FOXK1: variants seen among roughly 807,000 people sequenced by gnomAD.
The protein encoded by FOXK1 is forkhead box protein K1.
FOXK1 carries 19 observed loss-of-function variants against 51.9 expected under a neutral mutation model. The observed-to-expected ratio is 0.37, with a 90% CI of 0.26 to 0.54. The LOEUF is 0.54. Among genes scored for constraint, FOXK1 ranks in the 20% least tolerant of loss-of-function variants. FOXK1 has a pLI of 0.87. For missense variants in FOXK1, 870 were observed against 1,032.7 expected (o/e 0.84, Z 2.16); for synonymous variants, 537 against 482.6 (o/e 1.11, Z -1.48).
In FOXK1 at chr7:4,686,513, C is replaced by T. The variant is rs544364662; in HGVS notation, c.560+3645C>T. Among the ~76,000 whole-genome samples the T allele has an allele frequency of 4.6e-5, 7 of 152,308 alleles. No homozygotes were observed. In the East Asian group the frequency reaches 1.2e-3, roughly 25 times the overall value. On this transcript the variant is annotated intron_variant, in intron 1 of 8. Coordinates refer to ENST00000328914, the MANE Select transcript of FOXK1 (RefSeq NM_001037165.2). ...CACTACGCCTGGTGGGTAAGCATCT[C>T]GCCAGAGCTCCCAGGCACAGGGGGA...
intron 1 of FOXK1, among the ~76,000 whole-genome samples, chr7:4,720,544 T>C (rs1022018415): frequency 6.6e-6 from 1 of 152,168 alleles, no homozygotes; most frequent in African/African-American, 2.4e-5. Flanking sequence ...ATTTCCCCTG[T>C]GCCTCAGTGG....
Position 4,762,810 on chromosome 7 carries a change from C to A in FOXK1, c.*346C>A, listed in dbSNP as rs2115078410. On this transcript the variant is annotated 3_prime_UTR_variant, in exon 9 of 9. Coordinates refer to ENST00000328914, the MANE Select transcript of FOXK1 (RefSeq NM_001037165.2). This position sits in a 1 kb window ranked among gnomAD's most constrained non-coding sequence, Gnocchi z 5.7. ...TGAGGAATGTGTCAAGACAGCCCCT[C>A]CGCTCCGCGCTGCACGGCCAGCCGC... The A allele has an allele frequency of 3.6e-6, 1 of 274,708 alleles. No homozygotes were observed. The highest frequency in any genetic ancestry group is 7.0e-6 in the Non-Finnish European group (1 of 142,068). The allele number at this position is 274,708 out of a possible 1,614,324, so 17.0% of individuals were successfully genotyped here.
chr7:4,705,495 C>A (rs1562372566), intron 1 of FOXK1, among the ~76,000 whole-genome samples: 2 of 147,426 alleles, frequency 1.4e-5, no homozygotes, highest in Non-Finnish European at 3.0e-5. Flanking sequence ...AGTGAGAATT[C>A]TTCTGTGTCA....
intron 1 of FOXK1, among the ~76,000 whole-genome samples, chr7:4,727,423 C>T (rs1251298240): frequency 6.6e-6 from 1 of 152,050 alleles, no homozygotes; most frequent in Admixed American, 6.6e-5. Context: ...TCAAGTGATT[C>T]TTGTGCCTCA....
chr7:4,718,113 G>C (rs1176101334), intron 1 of FOXK1, among the ~76,000 whole-genome samples: 1 of 152,214 alleles, frequency 6.6e-6, no homozygotes, highest in African/African-American at 2.4e-5. Flanking sequence ...AACAATCACA[G>C]ATTCACAAGG....
In FOXK1 at chr7:4,756,965, G is replaced by A. The variant is rs1780861117; in HGVS notation, c.1051-29G>A. On this transcript the variant is annotated intron_variant, in intron 4 of 8. Coordinates refer to ENST00000328914, the MANE Select transcript of FOXK1 (RefSeq NM_001037165.2). The surrounding 1 kb of genome is among the most constrained non-coding windows in gnomAD (Gnocchi z 4.1). ...GGGACTCATTTTCTGATTTGCTGGT[G>A]ATGGGTGAATATCTCTGCTTCCCTG... is the stretch of plus-strand genomic sequence containing the variant. 1 of 1,606,932 alleles carries A rather than the reference G, an allele frequency of 6.2e-7. No individual in the cohort carries two copies. The highest frequency in any genetic ancestry group is 8.5e-7 in the Non-Finnish European group (1 of 1,177,104).
chr7:4,695,463 C>T (rs1779939616), intron 1 of FOXK1, among the ~76,000 whole-genome samples: 1 of 152,182 alleles, frequency 6.6e-6, no homozygotes, highest in Non-Finnish European at 1.5e-5. Flanking sequence ...TATATCTGTG[C>T]TGTCCAACAT....
At chr7:4,713,514 G>A (rs1489922587) in intron 1 of FOXK1, among the ~76,000 whole-genome samples, 1 of 151,292 alleles carries the variant, frequency 6.6e-6, no homozygotes, top group Non-Finnish European at 1.5e-5. Context: ...TTTTTTTGAG[G>A]CGGAGTCTTG....
At position 4,731,108 on chromosome 7, in the gene FOXK1, C is replaced by A. The variant is rs1583199683; in HGVS notation, c.561-9730C>A. On this transcript the variant is annotated intron_variant, in intron 1 of 8. Transcript: ENST00000328914. The surrounding 1 kb of genome is among the most constrained non-coding windows in gnomAD (Gnocchi z 5.3). ...GTTTCAGGCCTTATCTGATGTGGCC[C>A]ACCCTGGGACCGTCACCTGACTTCC... is the stretch of plus-strand genomic sequence containing the variant. 6.6e-6 allele frequency among the ~76,000 whole-genome samples: 1 copy of A among 152,220 alleles called. No individual in the cohort carries two copies. The highest frequency in any genetic ancestry group is 6.5e-5 in the Admixed American group (1 of 15,284).
intron 1 of FOXK1, among the ~76,000 whole-genome samples, chr7:4,696,450 T>C (rs1779953536): frequency 6.6e-6 from 1 of 152,190 alleles, no homozygotes; most frequent in African/African-American, 2.4e-5. Flanking sequence ...ATGTCTGTCG[T>C]CTACCCGTCA....
chr7:4,699,675 G>T (rs970706025), intron 1 of FOXK1, among the ~76,000 whole-genome samples: 2 of 152,122 alleles, frequency 1.3e-5, no homozygotes, highest in Admixed American at 6.6e-5. Context: ...GCCTCACAGG[G>T]TTAGTTTTGA....
intron 1 of FOXK1, among the ~76,000 whole-genome samples, chr7:4,702,453 C>T (rs796844796): frequency 3.0e-4 from 45 of 152,264 alleles, no homozygotes; most frequent in African/African-American, 1.1e-3. Flanking sequence ...AGTGATTCTC[C>T]TGCCTCAGCC....
At chr7:4,746,005 T>C (rs1015492218) in intron 2 of FOXK1, among the ~76,000 whole-genome samples, 2 of 151,998 alleles carry the variant, frequency 1.3e-5, no homozygotes. Flanking sequence ...AGAGGTAGAG[T>C]TTTAAGAAAA....
chr7:4,684,124 G>A (rs1284643259), intron 1 of FOXK1, among the ~76,000 whole-genome samples: 3 of 152,138 alleles, frequency 2.0e-5, no homozygotes, highest in Non-Finnish European at 4.4e-5. Context: ...CCTCTGCTCT[G>A]CCCCGGACCT....
Position 4,723,223 on chromosome 7 carries a change from G to A in FOXK1, c.561-17615G>A, listed in dbSNP as rs568314225. On this transcript the variant is annotated intron_variant, in intron 1 of 8. Coordinates refer to ENST00000328914, the MANE Select transcript of FOXK1 (RefSeq NM_001037165.2). The surrounding 1 kb of genome is among the most constrained non-coding windows in gnomAD (Gnocchi z 4.7). The stretch of plus-strand genomic sequence containing the variant: ...GGTGGACACCCATGGCGGCTTGCAC[G>A]TTGCACGTCCCCCGGCTCAGCACCG... Among the ~76,000 whole-genome samples, 3 of 152,074 alleles carry A rather than the reference G, an allele frequency of 2.0e-5. No individual in the cohort carries two copies. Among genetic ancestry groups the A allele is most frequent in the Non-Finnish European group, 2.9e-5 (2 of 68,008 alleles).
At chr7:4,727,602 C>T (rs1297036143) in intron 1 of FOXK1, among the ~76,000 whole-genome samples, 12 of 152,344 alleles carry the variant, frequency 7.9e-5, no homozygotes, top group East Asian at 5.8e-4. Flanking sequence ...GGCTTAGCCA[C>T]GGCGCCCGGC....
intron 1 of FOXK1, among the ~76,000 whole-genome samples, chr7:4,694,356 C>T (rs1185744919): frequency 2.0e-5 from 3 of 152,162 alleles, no homozygotes; most frequent in Non-Finnish European, 4.4e-5. Context: ...TCTCCCTCCC[C>T]AGTCTGATAG....
chr7:4,684,528 T>A (rs1315760154), intron 1 of FOXK1, among the ~76,000 whole-genome samples: 1 of 152,200 alleles, frequency 6.6e-6, no homozygotes, highest in Admixed American at 6.5e-5. Flanking sequence ...ACTCAGGAGA[T>A]AACAAATTTG....
chr7:4,758,961 G>A lies in FOXK1; in HGVS notation c.1245-90G>A. 7.1e-7 allele frequency: 1 copy of A among 1,400,392 alleles called. No individual in the cohort carries two copies. Among genetic ancestry groups the A allele is most frequent in the East Asian group, 2.3e-5 (1 of 43,078 alleles). The allele number at this position is 1,400,392 out of a possible 1,614,324, so 86.7% of individuals were successfully genotyped here. On this transcript the variant is annotated intron_variant, in intron 5 of 8. Coordinates refer to ENST00000328914, the MANE Select transcript of FOXK1 (RefSeq NM_001037165.2). This position sits in a 1 kb window ranked among gnomAD's most constrained non-coding sequence, Gnocchi z 4.4. ...GACGAGCTCCAGGGAGCGTGGGCGG[G>A]TGACGGCGCTGAGATGCGTGATGTC...
Sources: gnomAD v4.1 joint callset for allele counts (sites outside exome capture counted in the v4.1 genomes callset) on GRCh38, gnomAD v4.1.1 for gene constraint, Gnocchi (gnomAD v3.1) non-coding constraint, MANE v1.5 for transcripts, NCBI Gene and HGNC (gene_info 2026-07-23, HGNC 2026-07-21) for gene names.